WDR72: variants seen among roughly 807,000 people sequenced by gnomAD.
The protein encoded by WDR72 is WD repeat domain 72, also known as WD repeat-containing protein 72.
WDR72 carries 120 observed loss-of-function variants against 124.2 expected under a neutral mutation model. That is an observed-to-expected ratio of 0.97 (90% CI 0.83 to 1.12). The LOEUF (loss-of-function observed/expected upper bound fraction) is 1.12. Among genes scored for constraint, WDR72 ranks in the 50% most tolerant of loss-of-function variants. WDR72 has a pLI of 0.00. For synonymous variants in WDR72, 452 were observed against 441.7 expected, an observed-to-expected ratio of 1.02 and a Z score of -0.29; for missense variants, 1,387 against 1,278.8, an observed-to-expected ratio of 1.08 and a Z score of -1.29.
At chr15:53,700,281 T>C (rs1218049520) in intron 12 of WDR72, among the ~76,000 whole-genome samples, 1 of 152,202 alleles carries the variant, frequency 6.6e-6, no homozygotes, top group Non-Finnish European at 1.5e-5. Flanking sequence ...ACCCCAGAAC[T>C]AATTTGTTGC....
intron 13 of WDR72, among the ~76,000 whole-genome samples, chr15:53,682,194 G>T (rs2016413553): frequency 6.6e-6 from 1 of 152,152 alleles, no homozygotes; most frequent in Non-Finnish European, 1.5e-5. Flanking sequence ...TCCTTGGAAT[G>T]TCCTTACTTT....
chr15:53,565,353 G>T (rs1054164049), intron 18 of WDR72, among the ~76,000 whole-genome samples: 2 of 151,758 alleles, frequency 1.3e-5, no homozygotes, highest in Admixed American at 6.6e-5. Flanking sequence ...TGTGTAAAAA[G>T]AATAAACAAT....
chr15:53,672,357 T>G (rs2016025117), intron 13 of WDR72, among the ~76,000 whole-genome samples: 1 of 150,768 alleles, frequency 6.6e-6, no homozygotes, highest in South Asian at 2.1e-4. Flanking sequence ...AGTGAGCTGT[T>G]TCAGGAGACG....
rs1451060123 is a variant in WDR72, at chr15:53,702,192, TTATGCA to T, written c.1505_1510del (p.Leu502_Lys504delinsTer). 1 of 1,614,106 alleles carries T rather than the reference TTATGCA, an allele frequency of 6.2e-7. No individual in the cohort carries two copies. Among genetic ancestry groups the T allele is most frequent in the Non-Finnish European group, 8.5e-7 (1 of 1,180,006 alleles). ...TACTGGACCAGCTTCCAAAAAGAAT[TTATGCA>T]AAATTTCTTCAGTAAAGATATCCCA... is the stretch of plus-strand genomic sequence containing the variant. On this transcript the variant is annotated stop_gained and inframe_deletion, in exon 12 of 20. Transcript: ENST00000360509. LOFTEE classifies it high-confidence loss of function.
At chr15:53,684,085 C>A (rs917677810) in intron 13 of WDR72, 1 of 152,018 alleles carries the variant, frequency 6.6e-6, no homozygotes, top group Non-Finnish European at 1.5e-5. Flanking sequence ...TAAGTATGAG[C>A]ATATCTTTGT....
At chr15:53,697,033 G>A (rs2017024118) in intron 13 of WDR72, among the ~76,000 whole-genome samples, 1 of 152,198 alleles carries the variant, frequency 6.6e-6, no homozygotes, top group Non-Finnish European at 1.5e-5. Flanking sequence ...CTTAAGATGA[G>A]TTGAGATTGT....
chr15:53,651,829 T>C (rs1385760575), intron 14 of WDR72: 1 of 152,090 alleles, frequency 6.6e-6, no homozygotes, highest in Non-Finnish European at 1.5e-5. Context: ...TTTTTTGTAT[T>C]TTTAGTAGAG....
At chr15:53,593,143 T>C (rs2012590896) in intron 18 of WDR72, among the ~76,000 whole-genome samples, 1 of 152,104 alleles carries the variant, frequency 6.6e-6, no homozygotes, top group African/African-American at 2.4e-5. Context: ...TCCAGACACC[T>C]GGTGATTTTC....
intron 7 of WDR72, 142 bp from the exon 8 acceptor site, chr15:53,711,623 T>A: frequency 1.1e-6 from 1 of 933,786 alleles, no homozygotes. Flanking sequence ...TAAGATGATA[T>A]TTTACCATGA....
chr15:53,752,161 A>C (rs1167500874), intron 1 of WDR72, among the ~76,000 whole-genome samples: 1 of 152,242 alleles, frequency 6.6e-6, no homozygotes, highest in East Asian at 1.9e-4. Context: ...CAAAAGTATC[A>C]AATTGGCAAA....
At chr15:53,667,441 T>A (rs1383074422) in intron 13 of WDR72, among the ~76,000 whole-genome samples, 2 of 143,618 alleles carry the variant, frequency 1.4e-5, no homozygotes, top group East Asian at 2.1e-4. Flanking sequence ...GGAAAAAAAA[T>A]ATTGATATAT....
chr15:53,624,093 T>C (rs911124453), intron 14 of WDR72, among the ~76,000 whole-genome samples: 4 of 152,106 alleles, frequency 2.6e-5, no homozygotes, highest in Admixed American at 6.5e-5. Flanking sequence ...GTTGGGTGCA[T>C]TGCAAATATG....
intron 18 of WDR72, among the ~76,000 whole-genome samples, chr15:53,575,319 G>T (rs1163640760): frequency 6.6e-6 from 1 of 152,082 alleles, no homozygotes; most frequent in Non-Finnish European, 1.5e-5. Flanking sequence ...CCAAGGAGAT[G>T]CTTTATAACT....
At chr15:53,588,547 T>C (rs1484430349) in intron 18 of WDR72, among the ~76,000 whole-genome samples, 1 of 151,950 alleles carries the variant, frequency 6.6e-6, no homozygotes, top group Non-Finnish European at 1.5e-5. Flanking sequence ...AATGGAAGGA[T>C]AAGGCTCCAG....
At chr15:53,625,571 G>A (rs1313876269) in intron 14 of WDR72, among the ~76,000 whole-genome samples, 1 of 152,170 alleles carries the variant, frequency 6.6e-6, no homozygotes, top group African/African-American at 2.4e-5. Context: ...AGTAGGCAAA[G>A]GCACACAGGG....
rs568394393 is a variant in WDR72 at position 53,668,644 on chromosome 15, C to T, written c.1766-2876G>A. On this transcript the variant is annotated intron_variant, in intron 13 of 19. Transcript: ENST00000360509. ...GGTATAATAGCTCATCCCATCCTAA[C>T]TGTAATCTTAGCACTTTGGGAGGGC... 4.6e-5 allele frequency among the ~76,000 whole-genome samples: 7 copies of T among 152,222 alleles called. No individual in the cohort carries two copies. In the South Asian group the frequency reaches 1.5e-3, roughly 32 times the overall value.
intron 18 of WDR72, among the ~76,000 whole-genome samples, chr15:53,543,710 T>C (rs1483971844): frequency 6.6e-6 from 1 of 151,826 alleles, no homozygotes; most frequent in African/African-American, 2.4e-5. Flanking sequence ...CCAGGAGCTG[T>C]TTTCTGAAAA....
rs1367194042 is a variant in WDR72 at position 53,733,017 on chromosome 15, T to C, written c.133A>G (p.Asn45Asp). 1.9e-6 allele frequency: 3 copies of C among 1,613,940 alleles called. No homozygotes were observed. The African/African-American group carries it at 4.0e-5, about 22-fold the overall frequency. ...GSQEGQLCLW[N>D]LSHELKISAK... ...CTAACCTTTAGTTCATGTGAGAGAT[T>C]CCAGAGACAGAGCTGACCCTCTTGA... The change falls in exon 2 of 20, where the codon AAT becomes GAT. Residue 45 changes from asparagine (N) to aspartate (D), a missense_variant. Transcript: ENST00000360509.
intron 14 of WDR72, among the ~76,000 whole-genome samples, chr15:53,650,821 C>A (rs556620220): frequency 6.7e-6 from 1 of 150,268 alleles, no homozygotes; most frequent in African/African-American, 2.5e-5. Context: ...CAAACACCAG[C>A]TAACAATTTC....
Sources: allele counts gnomAD v4.1 joint callset (sites outside exome capture counted in the v4.1 genomes callset), GRCh38; gene constraint gnomAD v4.1.1; transcripts MANE v1.5; gene names NCBI Gene and HGNC (gene_info 2026-07-23, HGNC 2026-07-21).